The following ZSCAN5A variants were observed in gnomAD, a reference collection of about 807,000 sequenced individuals.
The protein encoded by ZSCAN5A is zinc finger and SCAN domain-containing protein 5A.
In ZSCAN5A, 12 loss-of-function variants were observed where a neutral mutation model predicts 23.7. That is an observed-to-expected ratio of 0.51 (90% CI 0.32 to 0.82). ZSCAN5A has a LOEUF of 0.82. Ranked by LOEUF, ZSCAN5A falls within the 40% of genes least tolerant of loss-of-function variation. The probability of loss-of-function intolerance (pLI) is 0.03; values close to 1 mark genes in which losing one functional copy is unlikely to be tolerated. For synonymous variants in ZSCAN5A, 257 were observed against 239.9 expected (o/e 1.07, Z -0.66); for missense variants, 597 against 617.9 (o/e 0.97, Z 0.36).
chr19:56,246,992 AT>A, intron 2 of ZSCAN5A: 1 of 1,311,048 alleles, frequency 7.6e-7, no homozygotes, highest in South Asian at 1.2e-5. Flanking sequence ...AATTCAGTTT[AT>A]TCCCCAGGCC....
chr19:56,267,030 T>C (rs1209255820), intron 2 of ZSCAN5A, among the ~76,000 whole-genome samples: 1 of 126,728 alleles, frequency 7.9e-6, no homozygotes, highest in Non-Finnish European at 1.7e-5. Context: ...TGCCTCGGGG[T>C]CTTTGCACAA....
intron 2 of ZSCAN5A, chr19:56,246,980 T>A: frequency 7.1e-7 from 1 of 1,406,248 alleles, no homozygotes; most frequent in African/African-American, 1.4e-5. Flanking sequence ...AAACCTGAGA[T>A]AAATTCAGTT....
intron 2 of ZSCAN5A, chr19:56,284,349 T>G (rs1424830952): frequency 3.0e-5 from 6 of 202,942 alleles, no homozygotes; most frequent in Non-Finnish European, 5.2e-5. Context: ...TGCAAGGATT[T>G]TGTGCAAGAA....
intron 2 of ZSCAN5A, among the ~76,000 whole-genome samples, chr19:56,289,366 G>A (rs1466490616): frequency 6.6e-6 from 1 of 152,184 alleles, no homozygotes; most frequent in African/African-American, 2.4e-5. Context: ...GTCTGGAGGA[G>A]AGAAAGGGGC....
In ZSCAN5A at chr19:56,249,332, C is replaced by T. The variant is rs573683852; in HGVS notation, c.-127-24159G>A. Among the ~76,000 whole-genome samples the T allele has an allele frequency of 1.4e-4, 21 of 152,296 alleles. No individual in the cohort carries two copies. In the East Asian group the frequency reaches 3.7e-3, roughly 27 times the overall value. ...ACCCAGGCTGGCTGGAGTGCAGTCGCGCAATCTCGGCTCACCCCAACCTCC... is the reference window on the plus strand; with the variant it reads ...ACCCAGGCTGGCTGGAGTGCAGTCGTGCAATCTCGGCTCACCCCAACCTCC... On this transcript the variant is annotated intron_variant, in intron 2 of 5. Transcript: ENST00000683990.
intron 2 of ZSCAN5A, among the ~76,000 whole-genome samples, chr19:56,227,949 T>TC (rs2034107283): frequency 2.0e-5 from 3 of 151,740 alleles, no homozygotes; most frequent in Non-Finnish European, 4.4e-5. Flanking sequence ...TCCCAGCTAC[T>TC]CGGGAGGCGG....
intron 2 of ZSCAN5A, chr19:56,246,954 C>A (rs779770460): frequency 1.3e-6 from 2 of 1,514,240 alleles, no homozygotes; most frequent in African/African-American, 1.4e-5. Flanking sequence ...CTGTGGGCAA[C>A]AGCGAATCCC....
At chr19:56,250,565 T>A (rs1260534063) in intron 2 of ZSCAN5A, among the ~76,000 whole-genome samples, 1 of 152,164 alleles carries the variant, frequency 6.6e-6, no homozygotes, top group Non-Finnish European at 1.5e-5. Context: ...CTCCTCTGGG[T>A]TCCAGCTTTG....
At chr19:56,241,243 G>C (rs1379675110) in intron 2 of ZSCAN5A, among the ~76,000 whole-genome samples, 1 of 152,038 alleles carries the variant, frequency 6.6e-6, no homozygotes, top group South Asian at 2.1e-4. Context: ...GTGAATACAC[G>C]GTGATTTCTA....
chr19:56,310,935 T>C (rs993480718), intron 2 of ZSCAN5A, among the ~76,000 whole-genome samples: 9 of 152,206 alleles, frequency 5.9e-5, no homozygotes, highest in African/African-American at 1.9e-4. Context: ...ATAGTAACAG[T>C]AGGGTAGAAG....
intron 2 of ZSCAN5A, chr19:56,245,430 G>C (rs764893972): frequency 1.5e-6 from 1 of 666,444 alleles, no homozygotes; most frequent in Non-Finnish European, 2.7e-6. Context: ...AGGCAGGTGA[G>C]TGTGTGAGGC....
intron 2 of ZSCAN5A, among the ~76,000 whole-genome samples, chr19:56,269,234 A>G (rs2037677550): frequency 6.6e-6 from 1 of 152,190 alleles, no homozygotes; most frequent in South Asian, 2.1e-4. Context: ...ACCAATTTAC[A>G]TTTCCACCAG....
At chr19:56,343,473 G>GGGCTACC in intron 2 of ZSCAN5A, 1 of 456,590 alleles carries the variant, frequency 2.2e-6, no homozygotes, top group African/African-American at 2.0e-5. Context: ...GGGCTACCAA[G>GGGCTACC]AAGCTTCAGC....
intron 2 of ZSCAN5A, chr19:56,244,072 T>C: frequency 8.4e-7 from 1 of 1,192,040 alleles, no homozygotes; most frequent in Non-Finnish European, 1.2e-6. Context: ...CCTCATGGGG[T>C]CAGGGAGGAC....
chr19:56,234,719 C>T (rs940310890), intron 2 of ZSCAN5A, among the ~76,000 whole-genome samples: 4 of 151,966 alleles, frequency 2.6e-5, no homozygotes, highest in South Asian at 2.1e-4. Flanking sequence ...GCCCCTGTCA[C>T]GTACCCCTTG....
chr19:56,232,784 T>C (rs1408398541), intron 2 of ZSCAN5A, among the ~76,000 whole-genome samples: 1 of 152,078 alleles, frequency 6.6e-6, no homozygotes, highest in African/African-American at 2.4e-5. Context: ...GCTCAAGCAA[T>C]CCTCTCACCT....
At chr19:56,243,403 T>C (rs1278674789) in intron 2 of ZSCAN5A, among the ~76,000 whole-genome samples, 1 of 133,586 alleles carries the variant, frequency 7.5e-6, no homozygotes, top group Non-Finnish European at 1.7e-5. Context: ...AAAATAGCAA[T>C]ATCTGTGTAG....
At chr19:56,256,194 G>T (rs1156571546) in intron 2 of ZSCAN5A, among the ~76,000 whole-genome samples, 1 of 152,098 alleles carries the variant, frequency 6.6e-6, no homozygotes, top group African/African-American at 2.4e-5. Context: ...ATTTTTTGTT[G>T]TTTTGTTTGT....
chr19:56,284,148 G>A (rs1269982223), intron 2 of ZSCAN5A: 5 of 985,382 alleles, frequency 5.1e-6, no homozygotes, highest in African/African-American at 1.7e-5. Context: ...TCTGGACCAC[G>A]CATGTAACCT....
Sources: allele counts gnomAD v4.1 joint callset (sites outside exome capture counted in the v4.1 genomes callset), GRCh38; gene constraint gnomAD v4.1.1; transcripts MANE v1.5; gene names NCBI Gene and HGNC (gene_info 2026-07-23, HGNC 2026-07-21).